WWOX: variants seen among roughly 807,000 people sequenced by gnomAD.
WWOX encodes WW domain-containing oxidoreductase.
A neutral mutation model predicts 46.2 loss-of-function variants in WWOX; 69 were observed. The ratio of observed to expected loss-of-function variants is 1.49; its 90% CI spans 1.23 to 1.82. WWOX has a LOEUF of 1.82. Among genes scored for constraint, WWOX ranks in the 40% most tolerant of loss-of-function variants. The probability of loss-of-function intolerance (pLI) is 0.00; values close to 1 mark genes in which losing one functional copy is unlikely to be tolerated. For missense variants in WWOX, 919 were observed against 542.6 expected (o/e 1.69, Z -6.89); for synonymous variants, 359 against 202.6 (o/e 1.77, Z -6.56).
At chr16:78,954,400 A>T (rs979819498) in intron 8 of WWOX, among the ~76,000 whole-genome samples, 3 of 152,164 alleles carry the variant, frequency 2.0e-5, no homozygotes, top group Admixed American at 2.0e-4. Flanking sequence ...AGATGAATGG[A>T]TGCATGGATG....
At chr16:79,005,783 GC>G (rs2047178552) in intron 8 of WWOX, among the ~76,000 whole-genome samples, 2 of 152,114 alleles carry the variant, frequency 1.3e-5, no homozygotes, top group South Asian at 4.1e-4. Flanking sequence ...ACATTCTGAG[GC>G]CCTGGGTGGA....
chr16:78,543,327 T>G (rs1485819702), intron 8 of WWOX, among the ~76,000 whole-genome samples: 7 of 152,218 alleles, frequency 4.6e-5, no homozygotes, highest in Non-Finnish European at 8.8e-5. Flanking sequence ...TGGGAATGTC[T>G]CATCCCCCTG....
rs546030527 is a variant in WWOX at position 78,450,390 on chromosome 16, A to C, written c.1056+17638A>C. 3.4e-4 allele frequency among the ~76,000 whole-genome samples: 51 copies of C among 152,220 alleles called. 1 individual carries two copies. Among genetic ancestry groups the C allele is most frequent in the Non-Finnish European group, 5.6e-4 (38 of 68,036 alleles). On this transcript the variant is annotated intron_variant, in intron 8 of 8. Coordinates refer to ENST00000566780, the MANE Select transcript of WWOX (RefSeq NM_016373.4). ...GCTGGATATCTTATTTATTTGAAGT[A>C]CTGAGAGAGAAATCTTTTCTGACTG...
intron 8 of WWOX, among the ~76,000 whole-genome samples, chr16:78,501,193 C>CTCTTTTTTTTTTTTTTTTTTT (rs1567609023): frequency 8.8e-5 from 8 of 90,914 alleles, no homozygotes; most frequent in Non-Finnish European, 1.8e-4. Context: ...CTTTCTTTCT[C>CTCTTTTTTTTTTTTTTTTTTT]TTTTTTTTTT....
At chr16:78,146,690 A>G (rs1028651280) in intron 4 of WWOX, among the ~76,000 whole-genome samples, 1 of 152,174 alleles carries the variant, frequency 6.6e-6, no homozygotes, top group Admixed American at 6.5e-5. Flanking sequence ...TCAAGCTCAG[A>G]TGGCTTCTCA....
At chr16:78,224,684 T>A (rs994257939) in intron 5 of WWOX, among the ~76,000 whole-genome samples, 4 of 152,200 alleles carry the variant, frequency 2.6e-5, no homozygotes, top group Non-Finnish European at 5.9e-5. Context: ...AAGTGCTGGT[T>A]CCAAGAATAA....
chr16:78,357,654 A>G (rs1052539862), intron 5 of WWOX, among the ~76,000 whole-genome samples: 3 of 152,116 alleles, frequency 2.0e-5, no homozygotes, highest in African/African-American at 4.8e-5. Context: ...TGGAGATAGG[A>G]TTATCATTGT....
intron 8 of WWOX, among the ~76,000 whole-genome samples, chr16:78,762,092 T>TA (rs1458135713): frequency 6.6e-6 from 1 of 152,224 alleles, no homozygotes; most frequent in African/African-American, 2.4e-5. Flanking sequence ...TTCTCTGATG[T>TA]AACTGCCCAC....
At chr16:78,551,700 G>A (rs1191744896) in intron 8 of WWOX, 1 of 151,360 alleles carries the variant, frequency 6.6e-6, no homozygotes, top group African/African-American at 2.4e-5. Flanking sequence ...AGGCTGAGGA[G>A]CGCTTAACAC....
chr16:78,798,911 A>T (rs73575649), intron 8 of WWOX, among the ~76,000 whole-genome samples: 3,113 of 152,194 alleles, frequency 0.02, 102 homozygotes, highest in African/African-American at 0.07. Flanking sequence ...AGTTTGAGAC[A>T]CCACTTGCTG....
chr16:79,014,334 G>C (rs1013437567), intron 8 of WWOX, among the ~76,000 whole-genome samples: 6 of 152,100 alleles, frequency 3.9e-5, no homozygotes, highest in African/African-American at 1.2e-4. Flanking sequence ...CTGGCAGTCG[G>C]GCAGTGACAT....
chr16:78,169,541 C>T (rs990099155), intron 5 of WWOX, among the ~76,000 whole-genome samples: 2 of 151,958 alleles, frequency 1.3e-5, no homozygotes, highest in African/African-American at 4.8e-5. Flanking sequence ...TCATGAACAG[C>T]TACAGCAAGA....
chr16:78,585,304 T>C (rs2045169060), intron 8 of WWOX, among the ~76,000 whole-genome samples: 1 of 152,156 alleles, frequency 6.6e-6, no homozygotes, highest in Admixed American at 6.5e-5. Flanking sequence ...CTCCCTGAGG[T>C]AGGATCTTAG....
At chr16:78,764,481 T>G (rs996179901) in intron 8 of WWOX, among the ~76,000 whole-genome samples, 1 of 148,430 alleles carries the variant, frequency 6.7e-6, no homozygotes, top group Non-Finnish European at 1.5e-5. Flanking sequence ...AAGACTGTTT[T>G]CATCCAAACC....
At chr16:79,011,057 T>C (rs551408474) in intron 8 of WWOX, among the ~76,000 whole-genome samples, 60 of 152,156 alleles carry the variant, frequency 3.9e-4, no homozygotes, top group Admixed American at 2.6e-3. Context: ...TATAAATATA[T>C]GATAAGTATA....
At chr16:78,457,695 C>T (rs747737309) in intron 8 of WWOX, among the ~76,000 whole-genome samples, 8 of 152,010 alleles carry the variant, frequency 5.3e-5, no homozygotes, top group Non-Finnish European at 1.2e-4. Context: ...AGGTGGATCA[C>T]CTGAGGTCAG....
At chr16:78,880,065 C>T (rs117401299) in intron 8 of WWOX, among the ~76,000 whole-genome samples, 4,068 of 152,166 alleles carry the variant, frequency 0.027, 73 homozygotes, top group Middle Eastern at 0.037. Flanking sequence ...AGACATGATA[C>T]GAGTTGATGA....
intron 8 of WWOX, among the ~76,000 whole-genome samples, chr16:78,645,284 A>G (rs753040731): frequency 2.0e-5 from 3 of 152,098 alleles, no homozygotes; most frequent in Non-Finnish European, 4.4e-5. Flanking sequence ...AGAGAGGCCC[A>G]TCCTGACCAT....
chr16:78,634,669 G>A (rs1343623223), intron 8 of WWOX, among the ~76,000 whole-genome samples: 3 of 149,276 alleles, frequency 2.0e-5, no homozygotes, highest in African/African-American at 7.5e-5. Flanking sequence ...TTGCGCCACT[G>A]CACTCCAGCC....
Sources: gnomAD v4.1 joint callset for allele counts (sites outside exome capture counted in the v4.1 genomes callset) on GRCh38, gnomAD v4.1.1 for gene constraint, MANE v1.5 for transcripts, NCBI Gene and HGNC (gene_info 2026-07-23, HGNC 2026-07-21) for gene names.